The following DLEU7 variants were observed in gnomAD, a reference collection of about 807,000 sequenced individuals.
DLEU7 encodes deleted in lymphocytic leukemia 7, also known as leukemia-associated protein 7.
A neutral mutation model predicts 16.0 loss-of-function variants in DLEU7; 17 were observed. The observed-to-expected ratio is 1.06, with a 90% confidence interval of 0.73 to 1.59. DLEU7 has a LOEUF of 1.59. Ranked by LOEUF, DLEU7 falls within the 40% of genes most tolerant of loss-of-function variation. DLEU7 has a pLI of 0.00. For missense variants in DLEU7, 308 were observed against 314.9 expected (o/e 0.98, Z 0.17); for synonymous variants, 113 against 139.8 (o/e 0.81, Z 1.35).
At chr13:50,772,708 T>C (rs1277398276) in intron 1 of DLEU7, among the ~76,000 whole-genome samples, 1 of 152,212 alleles carries the variant, frequency 6.6e-6, no homozygotes, top group East Asian at 1.9e-4. Context: ...ATTTTTTCCT[T>C]CATTTCAACC....
chr13:50,780,317 G>A (rs996159512), intron 1 of DLEU7, among the ~76,000 whole-genome samples: 7 of 152,188 alleles, frequency 4.6e-5, no homozygotes, highest in African/African-American at 1.4e-4. Context: ...AGCAAATTGA[G>A]TCCACCAAAT....
rs185253233 is a variant in DLEU7, at chr13:50,836,731, G to A, written c.459+6457C>T. ...GAGAGAAAGGAAGGAGGCAAGGAAG[G>A]AAGAAGTCTGTGTTGAGGGCTGTCC... On this transcript the variant is annotated intron_variant, in intron 1 of 1. Coordinates refer to ENST00000504404, the MANE Select transcript of DLEU7 (RefSeq NM_001306135.2). 4.1e-3 allele frequency among the ~76,000 whole-genome samples: 619 copies of A among 152,074 alleles called. 3 individuals are homozygous for A. The highest frequency in any genetic ancestry group is 5.5e-3 in the Non-Finnish European group (374 of 67,962).
At chr13:50,729,093 C>G (rs962095701) in intron 1 of DLEU7, among the ~76,000 whole-genome samples, 2 of 152,020 alleles carry the variant, frequency 1.3e-5, no homozygotes, top group South Asian at 4.2e-4. Context: ...ATTGGTTTCA[C>G]GGGTTTGGTG....
intron 1 of DLEU7, among the ~76,000 whole-genome samples, chr13:50,802,734 C>A (rs906374507): frequency 2.6e-5 from 4 of 152,096 alleles, no homozygotes; most frequent in Non-Finnish European, 4.4e-5. Flanking sequence ...CTGAGACAAC[C>A]AGTTCTCCTC....
chr13:50,753,407 G>T (rs571372048), intron 1 of DLEU7, among the ~76,000 whole-genome samples: 8 of 152,338 alleles, frequency 5.3e-5, no homozygotes, highest in South Asian at 2.1e-4. Context: ...CACGGAGGGG[G>T]TGGGAGGCTC....
At chr13:50,835,523 A>G (rs1877427154) in intron 1 of DLEU7, among the ~76,000 whole-genome samples, 13 of 152,208 alleles carry the variant, frequency 8.5e-5, no homozygotes, top group Admixed American at 8.5e-4. Context: ...ATCACATCCA[A>G]ATGGAAGACT....
At chr13:50,795,156 T>C (rs1463296382) in intron 1 of DLEU7, among the ~76,000 whole-genome samples, 1 of 152,118 alleles carries the variant, frequency 6.6e-6, no homozygotes, top group East Asian at 1.9e-4. Flanking sequence ...ATATTATCTA[T>C]AGGAGATCTA....
intron 1 of DLEU7, among the ~76,000 whole-genome samples, chr13:50,830,490 C>A (rs1370025480): frequency 2.6e-5 from 4 of 152,166 alleles, no homozygotes; most frequent in Non-Finnish European, 5.9e-5. Context: ...AAACACAAAA[C>A]CCCAATTCTA....
At chr13:50,833,505 T>G (rs147856488) in intron 1 of DLEU7, among the ~76,000 whole-genome samples, 8 of 152,098 alleles carry the variant, frequency 5.3e-5, no homozygotes, top group Non-Finnish European at 1.0e-4. Flanking sequence ...ACCTCTTCAA[T>G]GAGAACTACA....
At chr13:50,764,865 T>A (rs1875052952) in intron 1 of DLEU7, among the ~76,000 whole-genome samples, 1 of 151,534 alleles carries the variant, frequency 6.6e-6, no homozygotes, top group Non-Finnish European at 1.5e-5. Flanking sequence ...ATGTTGCACC[T>A]TTTTTGGGTT....
Position 50,822,926 on chromosome 13 carries a change from T to A in DLEU7, c.*388A>T. On this transcript the variant is annotated 3_prime_UTR_variant, in exon 2 of 2. Transcript: ENST00000504404. ...AAGGTAATTTTAAGAACCATGGAACTTTAATTATATAAATAACCACATTAA... is the reference window on the plus strand; with the variant it reads ...AAGGTAATTTTAAGAACCATGGAACATTAATTATATAAATAACCACATTAA... 1 of 978,834 alleles carries A rather than the reference T, an allele frequency of 1.0e-6. No individual in the cohort carries two copies. The highest frequency in any genetic ancestry group is 1.2e-6 in the Non-Finnish European group (1 of 821,242). The allele number at this position is 978,834 out of a possible 1,614,324, so 60.6% of individuals were successfully genotyped here.
intron 1 of DLEU7, among the ~76,000 whole-genome samples, chr13:50,736,060 G>A (rs117209705): frequency 0.015 from 2,270 of 152,184 alleles, 27 homozygotes; most frequent in Middle Eastern, 0.041. Flanking sequence ...GCGTGTGTAC[G>A]TTAATTGCAA....
chr13:50,838,863 G>A (rs1877555475), intron 1 of DLEU7, among the ~76,000 whole-genome samples: 2 of 152,320 alleles, frequency 1.3e-5, no homozygotes, highest in East Asian at 1.9e-4. Context: ...CTGCTTGCAC[G>A]CACTGCGGAC....
chr13:50,778,963 G>T (rs1315563721), intron 1 of DLEU7, among the ~76,000 whole-genome samples: 1 of 152,144 alleles, frequency 6.6e-6, no homozygotes, highest in African/African-American at 2.4e-5. Flanking sequence ...CTAGCCTCTT[G>T]TTAGTCCCAA....
intron 1 of DLEU7, among the ~76,000 whole-genome samples, chr13:50,721,185 C>T (rs559572666): frequency 3.0e-4 from 45 of 152,324 alleles, no homozygotes; most frequent in Non-Finnish European, 5.1e-4. Context: ...TTCCTGCCCT[C>T]GAACATCAGA....
At chr13:50,813,551 A>C (rs974261399) in intron 1 of DLEU7, among the ~76,000 whole-genome samples, 1 of 152,140 alleles carries the variant, frequency 6.6e-6, no homozygotes, top group African/African-American at 2.4e-5. Context: ...AAGCATTATT[A>C]TCTACTTTAA....
intron 1 of DLEU7, among the ~76,000 whole-genome samples, chr13:50,742,517 A>G (rs1874279684): frequency 6.6e-6 from 1 of 152,180 alleles, no homozygotes; most frequent in Admixed American, 6.5e-5. Flanking sequence ...ACAGGAAGCC[A>G]CACTCAGGGT....
At chr13:50,795,586 C>T (rs1156866063) in intron 1 of DLEU7, among the ~76,000 whole-genome samples, 1 of 152,146 alleles carries the variant, frequency 6.6e-6, no homozygotes, top group Non-Finnish European at 1.5e-5. Flanking sequence ...TTCAATATTT[C>T]TAAATTTAAA....
chr13:50,814,761 AGT>A (rs10670911), intron 1 of DLEU7, among the ~76,000 whole-genome samples: 109 of 138,544 alleles, frequency 7.9e-4, no homozygotes, highest in Middle Eastern at 3.8e-3. Flanking sequence ...TATTCATGTG[AGT>A]GTGTGTGTGT....
Sources: allele counts gnomAD v4.1 joint callset (sites outside exome capture counted in the v4.1 genomes callset), GRCh38; gene constraint gnomAD v4.1.1; transcripts MANE v1.5; gene names NCBI Gene and HGNC (gene_info 2026-07-23, HGNC 2026-07-21).